KIAA1217: variants seen among roughly 807,000 people sequenced by gnomAD.
KIAA1217 encodes the protein sickle tail protein homolog.
Under a neutral mutation model 163.9 loss-of-function variants are expected in KIAA1217, and 88 were observed. That is an observed-to-expected ratio of 0.54 (90% CI 0.45 to 0.64). KIAA1217 has a LOEUF of 0.64. Ranked by LOEUF, KIAA1217 falls within the 30% of genes least tolerant of loss-of-function variation. KIAA1217 has a pLI of 0.00. For missense variants in KIAA1217, 2,372 were observed against 2,475.0 expected (o/e 0.96, Z 0.88); for synonymous variants, 903 against 923.1 (o/e 0.98, Z 0.39).
intron 10 of KIAA1217, among the ~76,000 whole-genome samples, chr10:24,515,049 A>G (rs1382690273): frequency 2.0e-5 from 3 of 151,986 alleles, no homozygotes; most frequent in Non-Finnish European, 4.4e-5. Context: ...ACATTTATAT[A>G]AATTTTCCAA....
chr10:23,917,916 G>T (rs1004607198), intron 1 of KIAA1217, among the ~76,000 whole-genome samples: 1 of 152,144 alleles, frequency 6.6e-6, no homozygotes, highest in African/African-American at 2.4e-5. Context: ...ATGTATGTTC[G>T]TATAGAGAGA....
intron 8 of KIAA1217, among the ~76,000 whole-genome samples, chr10:24,497,464 G>A (rs2066936355): frequency 6.6e-6 from 1 of 152,144 alleles, no homozygotes; most frequent in South Asian, 2.1e-4. Flanking sequence ...TGGGCATGGT[G>A]GCTCATGCCT....
intron 5 of KIAA1217, among the ~76,000 whole-genome samples, chr10:24,460,888 A>C (rs1292718117): frequency 6.6e-6 from 1 of 152,140 alleles, no homozygotes; most frequent in African/African-American, 2.4e-5. Flanking sequence ...TAGACATGAG[A>C]CAGGCCTGAA....
intron 1 of KIAA1217, among the ~76,000 whole-genome samples, chr10:23,746,329 C>T (rs1433775345): frequency 6.6e-6 from 1 of 152,230 alleles, no homozygotes; most frequent in Non-Finnish European, 1.5e-5. Flanking sequence ...GAAGCAGATG[C>T]TGGTGCCTTG....
chr10:24,374,626 G>A (rs896280753), intron 2 of KIAA1217, among the ~76,000 whole-genome samples: 1 of 152,242 alleles, frequency 6.6e-6, no homozygotes. Flanking sequence ...AGAATCATGG[G>A]TGTCTCAGTC....
intron 1 of KIAA1217, among the ~76,000 whole-genome samples, chr10:23,937,072 G>A (rs186623431): frequency 9.8e-4 from 149 of 152,068 alleles, no homozygotes; most frequent in African/African-American, 3.1e-3. Context: ...ACAGGTTTTC[G>A]CCGTGTTAGG....
At chr10:23,874,452 G>A (rs1227545767) in intron 1 of KIAA1217, among the ~76,000 whole-genome samples, 1 of 151,942 alleles carries the variant, frequency 6.6e-6, no homozygotes, top group Non-Finnish European at 1.5e-5. Flanking sequence ...AACATCCCTA[G>A]GCATCAGTTT....
chr10:23,821,072 A>G lies in KIAA1217; in HGVS notation c.-321+125838A>G, dbSNP rs74764880. 7.3e-4 allele frequency among the ~76,000 whole-genome samples: 110 copies of G among 150,932 alleles called. 2 individuals are homozygous for G. The highest frequency in any genetic ancestry group is 3.5e-3 in the Admixed American group (53 of 15,136). On this transcript the variant is annotated intron_variant, in intron 1 of 18. Coordinates refer to the KIAA1217 transcript ENST00000376462. ...GTCTTTCCACTAATAAAGTATCTTC[A>G]TGGGCTTAATTTTCTTGCAGCTGTG...
At chr10:24,007,441 A>C (rs1176339181) in intron 2 of KIAA1217, 2 of 152,180 alleles carry the variant, frequency 1.3e-5, no homozygotes, top group African/African-American at 4.8e-5. Context: ...GTGAATTATG[A>C]GCTGTAGGCC....
At chr10:24,140,772 C>A (rs567631775) in intron 2 of KIAA1217, among the ~76,000 whole-genome samples, 1 of 152,270 alleles carries the variant, frequency 6.6e-6, no homozygotes, top group East Asian at 1.9e-4. Flanking sequence ...ATCTAAAGGC[C>A]GTGCTTGACA....
intron 13 of KIAA1217, among the ~76,000 whole-genome samples, chr10:24,527,193 G>A (rs1355912649): frequency 6.6e-6 from 1 of 151,752 alleles, no homozygotes; most frequent in Non-Finnish European, 1.5e-5. Flanking sequence ...TGACCCAGAG[G>A]GCATATAGCA....
intron 1 of KIAA1217, among the ~76,000 whole-genome samples, chr10:24,209,892 T>C (rs924744917): frequency 2.0e-5 from 3 of 152,210 alleles, no homozygotes; most frequent in Non-Finnish European, 4.4e-5. Context: ...TTTAATTGTG[T>C]TTATAATAGA....
At chr10:24,141,766 G>A (rs2064093022) in intron 2 of KIAA1217, among the ~76,000 whole-genome samples, 1 of 152,156 alleles carries the variant, frequency 6.6e-6, no homozygotes, top group African/African-American at 2.4e-5. Flanking sequence ...AGGCTGGTCA[G>A]AACCAGCAGC....
chr10:24,007,981 C>A (rs2131481426), intron 2 of KIAA1217, among the ~76,000 whole-genome samples: 1 of 152,292 alleles, frequency 6.6e-6, no homozygotes, highest in Non-Finnish European at 1.5e-5. Context: ...TAATCCCCAA[C>A]TTTAGCATAT....
At chr10:24,467,712 T>G (rs571106858) in intron 5 of KIAA1217, among the ~76,000 whole-genome samples, 1 of 152,194 alleles carries the variant, frequency 6.6e-6, no homozygotes, top group Non-Finnish European at 1.5e-5. Context: ...GGAAAAGAGA[T>G]GATAAGATTA....
chr10:24,428,100 G>A (rs979851187), intron 3 of KIAA1217, among the ~76,000 whole-genome samples: 8 of 152,146 alleles, frequency 5.3e-5, no homozygotes. Flanking sequence ...GCACACGCAT[G>A]TACAGAATGC....
Position 24,087,371 on chromosome 10 carries a change from C to T in KIAA1217, c.-171+79997C>T, listed in dbSNP as rs1442545009. Among the ~76,000 whole-genome samples, 7 of 152,284 alleles carry T rather than the reference C, an allele frequency of 4.6e-5. No homozygotes were observed. The South Asian group carries it at 8.3e-4, about 18-fold the overall frequency. ...TGAAAACTGCCTTACATAATTTAAG[C>T]TTTCTTCTGCAACCATATGTACGGT... On this transcript the variant is annotated intron_variant, in intron 2 of 18. Coordinates refer to the KIAA1217 transcript ENST00000376462.
intron 1 of KIAA1217, among the ~76,000 whole-genome samples, chr10:23,857,598 G>A (rs1186424895): frequency 1.3e-5 from 2 of 152,134 alleles, no homozygotes; most frequent in African/African-American, 4.8e-5. Context: ...TAAATCAGAA[G>A]GTCTAGGGTC....
rs191131275 is a variant in KIAA1217 at position 24,339,604 on chromosome 10, C to T, written c.355-41265C>T. On this transcript the variant is annotated intron_variant, in intron 2 of 20. Coordinates refer to ENST00000376454, the MANE Select transcript of KIAA1217 (RefSeq NM_019590.5). Reference sequence around the variant, plus strand: ...GCCAGGAACTAGAGCAGGTGTTGTACGTGTGTTTCCACACTTAATTTCACA... The same window carrying T: ...GCCAGGAACTAGAGCAGGTGTTGTATGTGTGTTTCCACACTTAATTTCACA... 3.7e-3 allele frequency among the ~76,000 whole-genome samples: 562 copies of T among 152,298 alleles called. 3 individuals carry two copies. Among genetic ancestry groups the T allele is most frequent in the Admixed American group, 9.6e-3 (147 of 15,302 alleles).
Sources: gnomAD v4.1 joint callset for allele counts (sites outside exome capture counted in the v4.1 genomes callset) on GRCh38, gnomAD v4.1.1 for gene constraint, MANE v1.5 for transcripts, NCBI Gene and HGNC (gene_info 2026-07-23, HGNC 2026-07-21) for gene names.